The following PCNX2 variants were observed in gnomAD, a reference collection of about 807,000 sequenced individuals.
PCNX2 encodes the protein pecanex-like protein 2.
In PCNX2, 168 loss-of-function variants were observed where a neutral mutation model predicts 223.8. The observed-to-expected ratio is 0.75, with a 90% CI of 0.66 to 0.85. The LOEUF is 0.85. PCNX2 is among the 40% of genes least tolerant of loss of function. The pLI, the probability that PCNX2 is intolerant of heterozygous loss-of-function variation, is 0.00. For synonymous variants in PCNX2, 1,006 were observed against 1,052.6 expected, an observed-to-expected ratio of 0.96 and a Z score of 0.86; for missense variants, 2,507 against 2,675.5, an observed-to-expected ratio of 0.94 and a Z score of 1.39.
chr1:232,990,620 C>T lies in PCNX2; in HGVS notation c.5792-4080G>A, dbSNP rs1168422795. Among the ~76,000 whole-genome samples, 1 of 152,194 alleles carries T rather than the reference C, an allele frequency of 6.6e-6. No individual in the cohort carries two copies. Among genetic ancestry groups the T allele is most frequent in the Non-Finnish European group, 1.5e-5 (1 of 68,032 alleles). Reference sequence around the variant, plus strand: ...GGTAACCATCCACTCATTCGTCCAACCTTTGTCTGCTGAGCCCAGATCATG... The same window carrying T: ...GGTAACCATCCACTCATTCGTCCAATCTTTGTCTGCTGAGCCCAGATCATG... On this transcript the variant is annotated intron_variant, in intron 32 of 33. Coordinates refer to ENST00000258229, the MANE Select transcript of PCNX2 (RefSeq NM_014801.4). The surrounding 1 kb of genome is among the most constrained non-coding windows in gnomAD (Gnocchi z 4.3).
At chr1:233,087,149 A>T (rs906603911) in intron 23 of PCNX2, 49 of 985,332 alleles carry the variant, frequency 5.0e-5, no homozygotes, top group Non-Finnish European at 5.9e-5. Context: ...ACTTCCTTGA[A>T]GTATTAAAAT....
intron 23 of PCNX2, among the ~76,000 whole-genome samples, chr1:233,067,756 A>G (rs1325131572): frequency 6.6e-6 from 1 of 152,196 alleles, no homozygotes; most frequent in Non-Finnish European, 1.5e-5. Flanking sequence ...TACAGGTGTG[A>G]GCTGCAGTGC....
chr1:233,315,559 T>A, the PCNX2 span, among the ~76,000 whole-genome samples: 1 of 152,192 alleles, frequency 6.6e-6, no homozygotes, highest in African/African-American at 2.4e-5. Context: ...TAAGTTCAGC[T>A]TTTAATGAAT....
chr1:233,089,784 C>G, intron 23 of PCNX2: 1 of 959,542 alleles, frequency 1.0e-6, no homozygotes, highest in Non-Finnish European at 1.3e-6. Context: ...AGGTCACCTA[C>G]GAAAATTTGG....
intron 21 of PCNX2, among the ~76,000 whole-genome samples, chr1:233,122,412 G>T (rs1030662623): frequency 6.6e-6 from 1 of 152,114 alleles, no homozygotes; most frequent in Non-Finnish European, 1.5e-5. Context: ...AAGAATATAG[G>T]ATGGAAAGGA....
At chr1:233,289,868 C>T (rs780969915) in intron 1 of PCNX2, among the ~76,000 whole-genome samples, 1 of 152,216 alleles carries the variant, frequency 6.6e-6, no homozygotes, top group Non-Finnish European at 1.5e-5. Flanking sequence ...GCCTGCTATG[C>T]GAGGCTGCGC....
At chr1:233,095,597 T>C in intron 22 of PCNX2, 158 bp downstream of exon 22, 1 of 658,518 alleles carries the variant, frequency 1.5e-6, no homozygotes, top group East Asian at 2.7e-5. Flanking sequence ...CTTTTAAGGC[T>C]AAGTGGCCTA....
intron 28 of PCNX2, among the ~76,000 whole-genome samples, chr1:233,006,433 C>T (rs1398135093): frequency 2.0e-5 from 3 of 152,264 alleles, no homozygotes; most frequent in African/African-American, 7.2e-5. Flanking sequence ...AATGGCTGTT[C>T]TCTGGCTGGA....
rs1202839487 is a variant in PCNX2 at position 233,014,723 on chromosome 1, C to A, written c.4894G>T (p.Ala1632Ser). 6.2e-7 allele frequency: 1 copy of A among 1,613,808 alleles called. No homozygotes were observed. Among genetic ancestry groups the A allele is most frequent in the African/African-American group, 1.3e-5 (1 of 74,880 alleles). ...EDSPLVTLSF[A>S]LCTLGRRALG... ...GCTCTCCTCCCCAGGGTGCACAGGG[C>A]GAAGGACAGAGTCACCAAGGGAGAG... The change falls in exon 28 of 34, where the codon GCC becomes TCC. Residue 1632 changes from alanine to serine, a missense_variant. Around this residue, in one of 3 missense-constraint regions of PCNX2, gnomAD observed 1,372 missense variants for 1,509.4 expected, o/e 0.91. Transcript: ENST00000258229.
At chr1:233,238,408 C>G (rs898309228) in intron 8 of PCNX2, among the ~76,000 whole-genome samples, 1 of 152,112 alleles carries the variant, frequency 6.6e-6, no homozygotes, top group Non-Finnish European at 1.5e-5. Context: ...TACTGTCATA[C>G]AGCTGGGCGC....
intron 1 of PCNX2, among the ~76,000 whole-genome samples, chr1:233,287,664 T>C (rs577280388): frequency 6.6e-6 from 1 of 152,346 alleles, no homozygotes; most frequent in East Asian, 1.9e-4. Context: ...TCTTGGGTAT[T>C]TCTTCACAGC....
chr1:233,090,869 C>T (rs1673837638), intron 22 of PCNX2, among the ~76,000 whole-genome samples: 1 of 152,180 alleles, frequency 6.6e-6, no homozygotes, highest in Non-Finnish European at 1.5e-5. Flanking sequence ...CTTGCTTGAT[C>T]AAAGAGGTAA....
chr1:233,130,666 G>C (rs150552667), intron 21 of PCNX2, among the ~76,000 whole-genome samples: 2 of 151,670 alleles, frequency 1.3e-5, no homozygotes, highest in Admixed American at 1.3e-4. Flanking sequence ...TGTATTTTTA[G>C]TAGAGACGGG....
At chr1:233,326,129 A>C in the PCNX2 span, among the ~76,000 whole-genome samples, 1 of 152,208 alleles carries the variant, frequency 6.6e-6, no homozygotes, top group African/African-American at 2.4e-5. Context: ...TTAAGGTATA[A>C]ACATTCTTTA....
intron 5 of PCNX2, among the ~76,000 whole-genome samples, chr1:233,255,956 G>A (rs1268171005): frequency 1.3e-5 from 2 of 152,160 alleles, no homozygotes; most frequent in Non-Finnish European, 2.9e-5. Flanking sequence ...CACCTTTGAC[G>A]TTGATGGCCT....
At chr1:233,299,493 T>A (rs1353030790), upstream of PCNX2, among the ~76,000 whole-genome samples, 1 of 151,980 alleles carries the variant, frequency 6.6e-6, no homozygotes, top group Non-Finnish European at 1.5e-5. Context: ...AAACAAGGGA[T>A]CAGACAAAGC....
At position 233,203,562 on chromosome 1, in the gene PCNX2, C is replaced by G. The variant is rs147215052; in HGVS notation, c.2864-3298G>C. Among the ~76,000 whole-genome samples, 5 of 152,222 alleles carry G rather than the reference C, an allele frequency of 3.3e-5. No homozygotes were observed. The East Asian group carries it at 9.7e-4, about 29-fold the overall frequency. On this transcript the variant is annotated intron_variant, in intron 13 of 33. Transcript: ENST00000258229. ...TCTACCTCCTTATTCATCTGAATTT[C>G]TCCTCCTTCAATCATCTGATGTTTC...
intron 1 of PCNX2, chr1:233,285,107 C>G (rs1219814128): frequency 1.4e-6 from 1 of 712,414 alleles, no homozygotes; most frequent in Non-Finnish European, 1.7e-6. Context: ...AATCCCAACA[C>G]TTCGGGAGGC....
chr1:233,299,746 C>CAGTT (rs1420713151), upstream of PCNX2, among the ~76,000 whole-genome samples: 5 of 152,306 alleles, frequency 3.3e-5, no homozygotes, highest in East Asian at 7.7e-4. Context: ...CTTTTCCAGT[C>CAGTT]AGTTACCTGT....
Sources: allele counts gnomAD v4.1 joint callset (sites outside exome capture counted in the v4.1 genomes callset), GRCh38; gene constraint gnomAD v4.1.1; regional missense constraint gnomAD v4.1.1; non-coding constraint Gnocchi (gnomAD v3.1); transcripts MANE v1.5; gene names NCBI Gene and HGNC (gene_info 2026-07-23, HGNC 2026-07-21).